RPS6KA2: variants seen among roughly 807,000 people sequenced by gnomAD.
RPS6KA2 encodes the protein ribosomal protein S6 kinase A2, also known as ribosomal protein S6 kinase alpha-2.
A neutral mutation model predicts 91.8 loss-of-function variants in RPS6KA2; 42 were observed. The ratio of observed to expected loss-of-function variants is 0.46; its 90% CI spans 0.36 to 0.59. RPS6KA2 has a LOEUF of 0.59. RPS6KA2 is among the 20% of genes least tolerant of loss of function. RPS6KA2 has a pLI of 0.00. For missense variants in RPS6KA2, 798 were observed against 978.5 expected, an observed-to-expected ratio of 0.82 and a Z score of 2.46; for synonymous variants, 414 against 393.6, an observed-to-expected ratio of 1.05 and a Z score of -0.61.
intron 2 of RPS6KA2, among the ~76,000 whole-genome samples, chr6:166,535,971 C>T (rs1182178230): frequency 3.9e-5 from 6 of 152,208 alleles, no homozygotes; most frequent in South Asian, 2.1e-4. Flanking sequence ...GCAGCGGCTT[C>T]GGAGAGCCTA....
At chr6:166,608,028 A>AAG (rs1554235245) in intron 1 of RPS6KA2, among the ~76,000 whole-genome samples, 10 of 150,760 alleles carry the variant, frequency 6.6e-5, no homozygotes, top group African/African-American at 1.7e-4. Context: ...AAAAAAAAAA[A>AAG]AGAGAGAGAG....
rs1023594721 is a variant in RPS6KA2 at position 166,420,934 on chromosome 6, G to C, written c.1744-976C>G. On this transcript the variant is annotated intron_variant, in intron 17 of 20. Coordinates refer to ENST00000265678, the MANE Select transcript of RPS6KA2 (RefSeq NM_021135.6). ...GCTCATGGATTACTGCAGATGACTG[G>C]ATTTAGCATTAAATATCGAGTCGGG... Among the ~76,000 whole-genome samples, 10 of 152,182 alleles carry C rather than the reference G, an allele frequency of 6.6e-5. No individual in the cohort carries two copies. In the South Asian group the frequency reaches 8.3e-4, roughly 13 times the overall value.
chr6:166,448,954 A>G lies in RPS6KA2; in HGVS notation c.1207-105T>C, dbSNP rs1779765627. The G allele has an allele frequency of 2.1e-6, 3 of 1,410,608 alleles. No homozygotes were observed. Among genetic ancestry groups the G allele is most frequent in the African/African-American group, 1.4e-5 (1 of 71,188 alleles). The allele number at this position is 1,410,608 out of a possible 1,614,324, so 87.4% of individuals were successfully genotyped here. A position where few individuals can be genotyped will look rare whatever the true frequency, so the allele number is the denominator to read the frequency against. Reference sequence around the variant, plus strand: ...GGGCGAAGAGAGGCACCGACTGTGAACTGAGTGTGTGGAGGCCTGGGAGCT... The same window carrying G: ...GGGCGAAGAGAGGCACCGACTGTGAGCTGAGTGTGTGGAGGCCTGGGAGCT... On this transcript the variant is annotated intron_variant, in intron 13 of 20. Transcript: ENST00000265678. The surrounding 1 kb of genome is among the most constrained non-coding windows in gnomAD (Gnocchi z 4.7).
At chr6:166,684,250 C>A (rs1788934168) in intron 2 of RPS6KA2, among the ~76,000 whole-genome samples, 1 of 152,102 alleles carries the variant, frequency 6.6e-6, no homozygotes, top group Non-Finnish European at 1.5e-5. Flanking sequence ...GCCATGGCAA[C>A]CCCCAGGCAT....
chr6:166,499,236 G>A (rs907571679), intron 7 of RPS6KA2, among the ~76,000 whole-genome samples: 8 of 152,212 alleles, frequency 5.3e-5, no homozygotes, highest in Non-Finnish European at 1.2e-4. Flanking sequence ...AAGTGGCCCC[G>A]GGGCTGGAAA....
chr6:166,418,482 G>A lies in RPS6KA2; in HGVS notation c.1821-140C>T. The A allele has an allele frequency of 1.4e-6, 1 of 696,502 alleles. No homozygotes were observed. Among genetic ancestry groups the A allele is most frequent in the East Asian group, 2.7e-5 (1 of 37,010 alleles). 43.1% of individuals were successfully genotyped at this position (696,502 alleles called of 1,614,324 possible). ...CCTCTGCTCTGAAGCCAGGATTCAT[G>A]GGAAAGCGGAACTTACCTCTAACAC... On this transcript the variant is annotated intron_variant, in intron 18 of 20. Transcript: ENST00000265678. This position sits in a 1 kb window ranked among gnomAD's most constrained non-coding sequence, Gnocchi z 4.9.
rs1001086815 is a variant in RPS6KA2 at position 166,500,539 on chromosome 6, C to T, written c.604+348G>A. ...TGGCACTGGGCATCTGCAAGGCCCA[C>T]ATTGCAGGCTACACTCCAGCAAGAC... On this transcript the variant is annotated intron_variant, in intron 7 of 20. Transcript: ENST00000265678. The surrounding 1 kb of genome is among the most constrained non-coding windows in gnomAD (Gnocchi z 4.3). 6.6e-6 allele frequency among the ~76,000 whole-genome samples: 1 copy of T among 152,178 alleles called. No individual in the cohort carries two copies. Among genetic ancestry groups the T allele is most frequent in the Non-Finnish European group, 1.5e-5 (1 of 68,030 alleles).
At chr6:166,413,338 G>A (rs1394660149) in intron 20 of RPS6KA2, among the ~76,000 whole-genome samples, 1 of 152,214 alleles carries the variant, frequency 6.6e-6, no homozygotes, top group African/African-American at 2.4e-5. Flanking sequence ...ATATCCTGGA[G>A]TGAATCCAAA....
intron 1 of RPS6KA2, among the ~76,000 whole-genome samples, chr6:166,576,971 C>T (rs1784854005): frequency 6.6e-6 from 1 of 152,166 alleles, no homozygotes; most frequent in Non-Finnish European, 1.5e-5. Context: ...GGACTTGGTG[C>T]CCTGCATCTC....
At chr6:166,469,429 A>G (rs915613790) in intron 11 of RPS6KA2, among the ~76,000 whole-genome samples, 2 of 151,738 alleles carry the variant, frequency 1.3e-5, no homozygotes, top group Non-Finnish European at 2.9e-5. Context: ...CCCTAGCACT[A>G]AAGGGTCCTG....
chr6:166,560,996 C>T (rs1466367420), intron 1 of RPS6KA2, among the ~76,000 whole-genome samples: 1 of 152,014 alleles, frequency 6.6e-6, no homozygotes, highest in African/African-American at 2.4e-5. Context: ...TAATCCACAC[C>T]CCTACTAAAT....
chr6:166,835,518 T>C (rs534257410), intron 2 of RPS6KA2, among the ~76,000 whole-genome samples: 1 of 152,220 alleles, frequency 6.6e-6, no homozygotes, highest in Non-Finnish European at 1.5e-5. Context: ...GGGATCCTAC[T>C]GTATGTCATT....
At chr6:166,583,873 T>C (rs1206358319) in intron 1 of RPS6KA2, among the ~76,000 whole-genome samples, 2 of 152,192 alleles carry the variant, frequency 1.3e-5, no homozygotes, top group African/African-American at 4.8e-5. Context: ...AATGGTAACA[T>C]AGGTTAGAGC....
intron 1 of RPS6KA2, among the ~76,000 whole-genome samples, chr6:166,559,670 C>T (rs1210559265): frequency 3.3e-5 from 5 of 152,082 alleles, no homozygotes; most frequent in Non-Finnish European, 7.4e-5. Context: ...ATGGTCTGGC[C>T]TTAGAGTTTC....
intron 2 of RPS6KA2, among the ~76,000 whole-genome samples, chr6:166,727,545 T>C (rs1790378929): frequency 6.6e-6 from 1 of 151,432 alleles, no homozygotes; most frequent in Admixed American, 6.6e-5. Context: ...GGTACCAGAA[T>C]CCTCAGGGAC....
At chr6:166,677,536 T>G (rs202171741) in intron 2 of RPS6KA2, among the ~76,000 whole-genome samples, 2 of 152,040 alleles carry the variant, frequency 1.3e-5, no homozygotes, top group East Asian at 3.9e-4. Context: ...AATTTTTGTA[T>G]TTTTAGTAGA....
At chr6:166,471,654 G>A (rs1004168944) in intron 10 of RPS6KA2, among the ~76,000 whole-genome samples, 8 of 152,370 alleles carry the variant, frequency 5.3e-5, no homozygotes, top group Non-Finnish European at 2.9e-5. Context: ...TCAGTCATCC[G>A]ATGCACAATT....
At chr6:166,661,676 T>C (rs1272541251) in intron 2 of RPS6KA2, among the ~76,000 whole-genome samples, 1 of 152,168 alleles carries the variant, frequency 6.6e-6, no homozygotes, top group Non-Finnish European at 1.5e-5. Flanking sequence ...TTTTGACATA[T>C]TAATAGTTTT....
chr6:166,510,445 G>A (rs559309080), intron 3 of RPS6KA2, 88 bp from the exon 4 acceptor site: 27 of 774,088 alleles, frequency 3.5e-5, no homozygotes, highest in Middle Eastern at 2.4e-4. Context: ...TATAATTCCC[G>A]CCAACTTTTC....
Sources: allele counts gnomAD v4.1 joint callset (sites outside exome capture counted in the v4.1 genomes callset), GRCh38; gene constraint gnomAD v4.1.1; non-coding constraint Gnocchi (gnomAD v3.1); transcripts MANE v1.5; gene names NCBI Gene and HGNC (gene_info 2026-07-23, HGNC 2026-07-21).